The following SDK1 variants were observed in gnomAD, a reference collection of about 807,000 sequenced individuals.
SDK1 encodes sidekick cell adhesion molecule 1.
Under a neutral mutation model 245.5 loss-of-function variants are expected in SDK1, and 157 were observed. That is an observed-to-expected ratio of 0.64 (90% confidence interval 0.56 to 0.73). SDK1 has a LOEUF of 0.73. Among genes scored for constraint, SDK1 ranks in the 30% least tolerant of loss-of-function variants. The pLI is 0.00. For missense variants in SDK1, 3,583 were observed against 3,002.3 expected (o/e 1.19, Z -4.52); for synonymous variants, 1,647 against 1,278.5 (o/e 1.29, Z -6.15).
Position 3,411,634 on chromosome 7 carries a change from T to C in SDK1, c.298+109750T>C, listed in dbSNP as rs181573208. 4.3e-4 allele frequency among the ~76,000 whole-genome samples: 66 copies of C among 152,288 alleles called. 1 individual carries two copies. The highest frequency in any genetic ancestry group is 1.5e-3 in the African/African-American group (63 of 41,558). ...ATGCAATACGGGCACTGACATGAAATGATGAAAAATATGCTAATTTTAACC... is the reference window on the plus strand; with the variant it reads ...ATGCAATACGGGCACTGACATGAAACGATGAAAAATATGCTAATTTTAACC... On this transcript the variant is annotated intron_variant, in intron 1 of 44. Coordinates refer to ENST00000404826, the MANE Select transcript of SDK1 (RefSeq NM_152744.4).
At chr7:3,754,565 C>G (rs1009927547) in intron 4 of SDK1, among the ~76,000 whole-genome samples, 13 of 152,076 alleles carry the variant, frequency 8.5e-5, no homozygotes, top group Admixed American at 2.6e-4. Flanking sequence ...CTCAGTATCC[C>G]CTGTTCCCTG....
intron 32 of SDK1, among the ~76,000 whole-genome samples, chr7:4,170,194 G>A (rs965859966): frequency 6.6e-6 from 1 of 152,178 alleles, no homozygotes; most frequent in Non-Finnish European, 1.5e-5. Flanking sequence ...GAGATAACCA[G>A]GGCTAGAGTT....
intron 36 of SDK1, among the ~76,000 whole-genome samples, chr7:4,207,081 T>C (rs1468986169): frequency 6.6e-6 from 1 of 152,238 alleles, no homozygotes; most frequent in Non-Finnish European, 1.5e-5. Context: ...CGGAAGATCT[T>C]AGACGGTCAA....
chr7:3,619,454 A>G (rs1329261613), intron 2 of SDK1, among the ~76,000 whole-genome samples: 1 of 152,220 alleles, frequency 6.6e-6, no homozygotes, highest in Non-Finnish European at 1.5e-5. Context: ...TTATATTTGT[A>G]AAAGTAAGCC....
At chr7:3,951,116 C>G in intron 6 of SDK1, 82 bp downstream of exon 6, 3 of 1,046,600 alleles carry the variant, frequency 2.9e-6, no homozygotes, top group South Asian at 1.3e-5. Flanking sequence ...TACACTGGAG[C>G]ATGAGGTTCA....
At chr7:3,975,706 G>A (rs1215589978) in intron 13 of SDK1, among the ~76,000 whole-genome samples, 1 of 152,248 alleles carries the variant, frequency 6.6e-6, no homozygotes, top group Non-Finnish European at 1.5e-5. Flanking sequence ...CAGTCCGGAA[G>A]GCCCTGTGGT....
intron 5 of SDK1, among the ~76,000 whole-genome samples, chr7:3,943,012 T>C (rs1780425174): frequency 6.6e-6 from 1 of 152,210 alleles, no homozygotes; most frequent in Admixed American, 6.5e-5. Context: ...GAACGGCCCA[T>C]GGCCTGTCCC....
Position 4,030,612 on chromosome 7 carries a change from C to T in SDK1, c.2602+13260C>T, listed in dbSNP as rs191661013. Among the ~76,000 whole-genome samples, 78 of 152,318 alleles carry T rather than the reference C, an allele frequency of 5.1e-4. 1 individual carries two copies. The highest frequency in any genetic ancestry group is 3.1e-3 in the Admixed American group (47 of 15,304). On this transcript the variant is annotated intron_variant, in intron 17 of 44. Transcript: ENST00000404826. Reference sequence around the variant, plus strand: ...ACATCATCAACGGGCTTTTCATACGCGCCTTGGTGCTATGAAGCTTCACAC... The same window carrying T: ...ACATCATCAACGGGCTTTTCATACGTGCCTTGGTGCTATGAAGCTTCACAC...
chr7:3,646,888 A>G (rs1465869543), intron 4 of SDK1, among the ~76,000 whole-genome samples: 1 of 152,214 alleles, frequency 6.6e-6, no homozygotes. Flanking sequence ...CTCACACAAG[A>G]TAATTAGAGT....
chr7:3,612,290 T>C (rs1165448901), intron 1 of SDK1, among the ~76,000 whole-genome samples: 1 of 152,260 alleles, frequency 6.6e-6, no homozygotes, highest in African/African-American at 2.4e-5. Context: ...CATCATAATG[T>C]GGACCTGTCT....
chr7:3,473,710 C>T lies in SDK1; in HGVS notation c.299-145370C>T, dbSNP rs553821109. On this transcript the variant is annotated intron_variant, in intron 1 of 44. Transcript: ENST00000404826. ...TTTTCCATTTTATCTTTCTAGTTAC[C>T]TTCCTTCTACTTCTTGCTGCTGCCT... 1.7e-3 allele frequency among the ~76,000 whole-genome samples: 257 copies of T among 151,726 alleles called. 2 individuals are homozygous for T. The highest frequency in any genetic ancestry group is 2.9e-3 in the Admixed American group (45 of 15,256).
intron 5 of SDK1, among the ~76,000 whole-genome samples, chr7:3,866,970 C>T (rs911536742): frequency 3.9e-5 from 6 of 152,142 alleles, no homozygotes; most frequent in Admixed American, 3.3e-4. Context: ...TGAAATGCAC[C>T]AGCTCTGCCA....
chr7:3,902,962 G>T (rs758487398), intron 5 of SDK1, among the ~76,000 whole-genome samples: 12 of 151,888 alleles, frequency 7.9e-5, no homozygotes, highest in Non-Finnish European at 1.8e-4. Context: ...TTTTAAAATG[G>T]ACAAAGGATT....
chr7:3,429,923 CA>C (rs912693424), intron 1 of SDK1, among the ~76,000 whole-genome samples: 1 of 152,180 alleles, frequency 6.6e-6, no homozygotes, highest in Non-Finnish European at 1.5e-5. Flanking sequence ...TAGAGATGTG[CA>C]TGTAAAATAG....
chr7:3,574,721 G>C (rs992626964), intron 1 of SDK1, among the ~76,000 whole-genome samples: 1 of 152,052 alleles, frequency 6.6e-6, no homozygotes, highest in Non-Finnish European at 1.5e-5. Context: ...CTGGCTTCTT[G>C]AAATTTAGAA....
rs149694834 is a variant in SDK1 at position 3,951,556 on chromosome 7, G to A, written c.960-174G>A. Among the ~76,000 whole-genome samples the A allele has an allele frequency of 1.4e-3, 206 of 152,312 alleles. 2 individuals carry two copies. Among genetic ancestry groups the A allele is most frequent in the African/African-American group, 4.4e-3 (182 of 41,572 alleles). On this transcript the variant is annotated intron_variant, in intron 6 of 44. Coordinates refer to ENST00000404826, the MANE Select transcript of SDK1 (RefSeq NM_152744.4). ...CTTGAGCAGAATGCATCGTCAATGCGTGCTGGGAGGGAGTAGAGTTACATC... is the reference window on the plus strand; with the variant it reads ...CTTGAGCAGAATGCATCGTCAATGCATGCTGGGAGGGAGTAGAGTTACATC...
chr7:3,903,107 A>G (rs1306244638), intron 5 of SDK1, among the ~76,000 whole-genome samples: 1 of 151,326 alleles, frequency 6.6e-6, no homozygotes, highest in Non-Finnish European at 1.5e-5. Flanking sequence ...CTAGGATGAC[A>G]GGTTTTTTAG....
intron 33 of SDK1, among the ~76,000 whole-genome samples, chr7:4,175,372 G>T (rs1190710043): frequency 6.6e-6 from 1 of 152,246 alleles, no homozygotes; most frequent in Non-Finnish European, 1.5e-5. Flanking sequence ...TGGTCGCGCA[G>T]CTCTCCCTGA....
intron 4 of SDK1, among the ~76,000 whole-genome samples, chr7:3,720,619 A>G (rs1338841457): frequency 3.9e-5 from 6 of 152,224 alleles, no homozygotes; most frequent in African/African-American, 1.4e-4. Context: ...GATCACTCAT[A>G]TATTGTTAGT....
Sources: gnomAD v4.1 joint callset for allele counts (sites outside exome capture counted in the v4.1 genomes callset) on GRCh38, gnomAD v4.1.1 for gene constraint, MANE v1.5 for transcripts, NCBI Gene and HGNC (gene_info 2026-07-23, HGNC 2026-07-21) for gene names.